The following APOOL variants were observed in gnomAD, a reference collection of about 807,000 sequenced individuals.
APOOL encodes apolipoprotein O like, also known as MICOS complex subunit MIC27.
In APOOL, 12 loss-of-function variants were observed where a neutral mutation model predicts 23.1. The ratio of observed to expected loss-of-function variants is 0.52; its 90% CI spans 0.33 to 0.84. The LOEUF is 0.84. Ranked by LOEUF, APOOL falls within the 40% of genes least tolerant of loss-of-function variation. The pLI is 0.02. For missense variants in APOOL, 212 were observed against 199.6 expected (o/e 1.06, Z -0.37); for synonymous variants, 77 against 69.9 (o/e 1.10, Z -0.51).
At chrX:85,079,386 T>C (rs1364599347) in intron 8 of APOOL, among the ~76,000 whole-genome samples, 1 of 111,993 alleles carries the variant, frequency 8.9e-6, no homozygotes, top group Non-Finnish European at 1.9e-5. Flanking sequence ...ATATGCTGGA[T>C]TACATTTATT....
At chrX:85,027,473 C>T (rs775744510) in intron 1 of APOOL, among the ~76,000 whole-genome samples, 18 of 111,723 alleles carry the variant, frequency 1.6e-4, no homozygotes, top group Non-Finnish European at 3.4e-4. Context: ...CCCCACTTCA[C>T]GCTTGTTATT....
At position 85,005,204 on chromosome X, in the gene APOOL, C is replaced by T. The variant is rs563260175; in HGVS notation, c.15+1277C>T. 1.9e-4 allele frequency among the ~76,000 whole-genome samples: 21 copies of T among 110,557 alleles called. No homozygotes were observed. The South Asian group carries it at 7.8e-3, about 41-fold the overall frequency. The stretch of plus-strand genomic sequence containing the variant: ...TGTCTCCCAGGCTTGAGTGCAGTGG[C>T]GCGATCTCAGCTCACTGCAACCTCC... On this transcript the variant is annotated intron_variant, in intron 1 of 8. Transcript: ENST00000373173.
intron 5 of APOOL, among the ~76,000 whole-genome samples, chrX:85,059,322 G>A (rs1243594692): frequency 9.1e-6 from 1 of 109,477 alleles, no homozygotes; most frequent in African/African-American, 3.3e-5. Flanking sequence ...ATTGTGAATA[G>A]TGCCGCAATA....
At chrX:85,062,863 T>A (rs1923287646) in intron 5 of APOOL, among the ~76,000 whole-genome samples, 1 of 111,625 alleles carries the variant, frequency 9.0e-6, no homozygotes. Flanking sequence ...GTTGGTTCCA[T>A]GTGAATTTTA....
intron 1 of APOOL, among the ~76,000 whole-genome samples, chrX:85,037,957 C>A (rs762505109): frequency 8.1e-5 from 9 of 111,493 alleles, no homozygotes; most frequent in African/African-American, 2.6e-4. Flanking sequence ...ACAAATACAA[C>A]AAAAACAAAA....
intron 5 of APOOL, among the ~76,000 whole-genome samples, chrX:85,063,950 G>C (rs1923338750): frequency 9.0e-6 from 1 of 111,121 alleles, no homozygotes; most frequent in South Asian, 3.8e-4. Context: ...AGAAGAAATG[G>C]TACCAGCTCC....
intron 1 of APOOL, among the ~76,000 whole-genome samples, chrX:85,036,517 A>G (rs929021607): frequency 9.0e-6 from 1 of 111,010 alleles, no homozygotes; most frequent in African/African-American, 3.3e-5. Flanking sequence ...ACTAGGCATG[A>G]AAAGAGTGCA....
rs1180137667 is a variant in APOOL, at chrX:85,087,652, A to G, written c.781A>G (p.Ile261Val). ...MDHGQSHPED[I>V]DMYSTRS The stretch of plus-strand genomic sequence containing the variant: ...TCACGGGCAGTCCCACCCAGAAGAT[A>G]TAGATATGTACAGCACTAGAAGCTG... Residue 261 changes from isoleucine (I) to valine (V), a missense_variant, in exon 9 of 9, where the codon ATA becomes GTA. By Grantham distance (29) the Ile-to-Val change is conservative. Transcript: ENST00000373173. 1.7e-6 allele frequency: 2 copies of G among 1,196,179 alleles called. No individual in the cohort carries two copies. Among genetic ancestry groups the G allele is most frequent in the African/African-American group, 1.8e-5 (1 of 56,694 alleles).
intron 6 of APOOL, among the ~76,000 whole-genome samples, chrX:85,071,551 A>G (rs1052328894): frequency 9.0e-6 from 1 of 111,139 alleles, no homozygotes; most frequent in South Asian, 3.8e-4. Context: ...AGATCTAATC[A>G]TAAACTAGAA....
chrX:85,085,028 A>AT (rs1451073551), intron 8 of APOOL, among the ~76,000 whole-genome samples: 1 of 111,649 alleles, frequency 9.0e-6, no homozygotes, highest in Non-Finnish European at 1.9e-5. Context: ...ATTCCTAACC[A>AT]TTTTTTGTGC....
chrX:85,082,251 C>T (rs937717443), intron 8 of APOOL, among the ~76,000 whole-genome samples: 2 of 111,398 alleles, frequency 1.8e-5, no homozygotes, highest in African/African-American at 6.5e-5. Context: ...GTCTTTGATG[C>T]TGGTGATCTA....
Position 85,074,114 on chromosome X carries a change from A to T in APOOL, c.600+3A>T, listed in dbSNP as rs1958667813. 1.7e-6 allele frequency: 2 copies of T among 1,158,708 alleles called. No individual in the cohort carries two copies. Among genetic ancestry groups the T allele is most frequent in the African/African-American group, 1.8e-5 (1 of 56,137 alleles). ...CTAAACCTAAAGAAAAAACTAAGGTAGAGTTTACATGGAGCAAGACGGTCA... is the reference window on the plus strand; with the variant it reads ...CTAAACCTAAAGAAAAAACTAAGGTTGAGTTTACATGGAGCAAGACGGTCA... On this transcript the variant is annotated splice_donor_region_variant and intron_variant, in intron 7 of 8. Transcript: ENST00000373173.
chrX:85,067,640 A>T (rs1923506457), intron 6 of APOOL, among the ~76,000 whole-genome samples: 1 of 108,176 alleles, frequency 9.2e-6, no homozygotes, highest in Non-Finnish European at 1.9e-5. Flanking sequence ...ACACACACAC[A>T]CACACACACA....
chrX:85,013,979 A>G (rs1348863796), intron 1 of APOOL, among the ~76,000 whole-genome samples: 1 of 111,290 alleles, frequency 9.0e-6, no homozygotes, highest in Admixed American at 9.6e-5. Flanking sequence ...TCTAGTAGGA[A>G]TTGTTTTATG....
chrX:85,034,125 T>C (rs1191606575), intron 1 of APOOL, among the ~76,000 whole-genome samples: 1 of 110,894 alleles, frequency 9.0e-6, no homozygotes, highest in Non-Finnish European at 1.9e-5. Context: ...GGAACTCCTC[T>C]AGAAGCTGAA....
At chrX:85,078,571 G>A (rs1327481218) in intron 8 of APOOL, among the ~76,000 whole-genome samples, 6 of 111,009 alleles carry the variant, frequency 5.4e-5, no homozygotes, top group African/African-American at 1.6e-4. Flanking sequence ...TTGGCGATGC[G>A]GGCTCTTTTT....
chrX:85,076,705 T>G (rs1163842824), intron 8 of APOOL, among the ~76,000 whole-genome samples: 1 of 110,469 alleles, frequency 9.1e-6, no homozygotes, highest in Non-Finnish European at 1.9e-5. Context: ...TGGCTATAAC[T>G]TATCACCATA....
At chrX:85,059,080 A>C (rs1301227819) in intron 5 of APOOL, among the ~76,000 whole-genome samples, 1 of 84,041 alleles carries the variant, frequency 1.2e-5, no homozygotes, top group Admixed American at 1.7e-4. Flanking sequence ...TCCTGTGTCC[A>C]TGTGTTCTCA....
intron 8 of APOOL, among the ~76,000 whole-genome samples, chrX:85,080,875 T>C (rs1253307781): frequency 9.0e-6 from 1 of 111,613 alleles, no homozygotes; most frequent in Non-Finnish European, 1.9e-5. Context: ...TTGATGTTTG[T>C]TGGTTAAAAG....
Sources: gnomAD v4.1 joint callset for allele counts (sites outside exome capture counted in the v4.1 genomes callset) on GRCh38, gnomAD v4.1.1 for gene constraint, MANE v1.5 for transcripts, NCBI Gene and HGNC (gene_info 2026-07-23, HGNC 2026-07-21) for gene names.